The following STXBP5 variants were observed in gnomAD, a reference collection of about 807,000 sequenced individuals.
STXBP5 encodes the protein syntaxin binding protein 5.
A neutral mutation model predicts 152.4 loss-of-function variants in STXBP5; 50 were observed. That is an observed-to-expected ratio of 0.33 (90% CI 0.26 to 0.42). The LOEUF (loss-of-function observed/expected upper bound fraction) is 0.42. Among genes scored for constraint, STXBP5 ranks in the 10% least tolerant of loss-of-function variants. STXBP5 has a pLI of 1.00. For synonymous variants in STXBP5, 492 were observed against 494.7 expected (o/e 0.99, Z 0.07); for missense variants, 1,167 against 1,388.6 (o/e 0.84, Z 2.54).
chr6:147,238,429 GA>G (rs900161782), intron 3 of STXBP5, among the ~76,000 whole-genome samples: 3 of 152,234 alleles, frequency 2.0e-5, no homozygotes, highest in Admixed American at 2.0e-4. Context: ...CCAAATGAGG[GA>G]TGGTTCACCA....
At chr6:147,295,576 A>T (rs1392815455) in intron 9 of STXBP5, among the ~76,000 whole-genome samples, 1 of 152,170 alleles carries the variant, frequency 6.6e-6, no homozygotes, top group Non-Finnish European at 1.5e-5. Flanking sequence ...GCAACCCAGG[A>T]TGACGGCATA....
chr6:147,259,875 C>T (rs555166748), intron 4 of STXBP5, among the ~76,000 whole-genome samples: 1 of 151,932 alleles, frequency 6.6e-6, no homozygotes, highest in East Asian at 1.9e-4. Flanking sequence ...ATTAAATGAG[C>T]CAGTATGAAA....
Position 147,216,432 on chromosome 6 carries a change from G to T in STXBP5, c.248+10364G>T, listed in dbSNP as rs141217206. Among the ~76,000 whole-genome samples the T allele has an allele frequency of 1.6e-3, 247 of 152,128 alleles. 1 individual carries two copies. Among genetic ancestry groups the T allele is most frequent in the African/African-American group, 5.6e-3 (233 of 41,528 alleles). On this transcript the variant is annotated intron_variant, in intron 2 of 27. Transcript: ENST00000321680. ...AACAAAAAAATTCATAAGGCTCCCA[G>T]AATAAAATTCAGATTCTTGGCCACT...
intron 16 of STXBP5, among the ~76,000 whole-genome samples, chr6:147,321,669 A>T (rs575997642): frequency 6.6e-6 from 1 of 152,226 alleles, no homozygotes; most frequent in Non-Finnish European, 1.5e-5. Flanking sequence ...TCCCTTTGCA[A>T]GGTACTTGCT....
chr6:147,241,611 A>AT (rs1778547326), intron 4 of STXBP5, among the ~76,000 whole-genome samples: 2 of 152,148 alleles, frequency 1.3e-5, no homozygotes, highest in African/African-American at 4.8e-5. Context: ...ACTCCTATAG[A>AT]TTAGGGATGT....
intron 25 of STXBP5, among the ~76,000 whole-genome samples, chr6:147,368,536 T>G (rs181698472): frequency 6.6e-6 from 1 of 152,296 alleles, no homozygotes; most frequent in African/African-American, 2.4e-5. Flanking sequence ...ATGAAATACT[T>G]AATTCTTTCT....
chr6:147,290,942 A>T lies in STXBP5; in HGVS notation c.839-152A>T, dbSNP rs75279212. ...AACTTTGCTTGATCATTTAAAAAAT[A>T]TCTTACTGTGTATTAAATGCCTCTT... On this transcript the variant is annotated intron_variant, in intron 8 of 27. Transcript: ENST00000321680. The T allele has an allele frequency of 7.5e-4, 368 of 492,712 alleles. 2 individuals are homozygous for T. The East Asian group carries it at 0.012, about 16-fold the overall frequency. The allele number at this position is 492,712 out of a possible 1,614,324, so 30.5% of individuals were successfully genotyped here. A position where few individuals can be genotyped will look rare whatever the true frequency, so the allele number is the denominator to read the frequency against.
At chr6:147,351,654 A>G (rs1263704693) in intron 21 of STXBP5, among the ~76,000 whole-genome samples, 4 of 152,104 alleles carry the variant, frequency 2.6e-5, no homozygotes, top group African/African-American at 9.7e-5. Context: ...TTTAACTGAA[A>G]TTTTTTACGT....
intron 23 of STXBP5, among the ~76,000 whole-genome samples, chr6:147,362,144 A>T (rs573651358): frequency 4.1e-4 from 62 of 152,190 alleles, no homozygotes; most frequent in Non-Finnish European, 8.2e-4. Flanking sequence ...ATTCAAATTG[A>T]AATATGTGCT....
intron 9 of STXBP5, among the ~76,000 whole-genome samples, chr6:147,291,613 T>C (rs556937702): frequency 2.1e-4 from 32 of 152,252 alleles, no homozygotes; most frequent in African/African-American, 7.2e-4. Flanking sequence ...TACAGTTTAA[T>C]ATTAAAGGGA....
At chr6:147,207,890 A>C (rs1776654862) in intron 2 of STXBP5, among the ~76,000 whole-genome samples, 1 of 152,154 alleles carries the variant, frequency 6.6e-6, no homozygotes. Flanking sequence ...ATTATAAGTG[A>C]GTACCACCAG....
At chr6:147,320,697 A>C (rs1417496882) in intron 16 of STXBP5, among the ~76,000 whole-genome samples, 1 of 152,158 alleles carries the variant, frequency 6.6e-6, no homozygotes, top group African/African-American at 2.4e-5. Flanking sequence ...ATATATTGTT[A>C]CATCAAGTTA....
intron 2 of STXBP5, among the ~76,000 whole-genome samples, chr6:147,229,346 C>A (rs1777882233): frequency 6.7e-6 from 1 of 150,236 alleles, no homozygotes; most frequent in Non-Finnish European, 1.5e-5. Context: ...CAAGCTAATT[C>A]TTTTTTTTTA....
chr6:147,360,209 C>T (rs533027001), intron 23 of STXBP5, among the ~76,000 whole-genome samples: 2 of 152,076 alleles, frequency 1.3e-5, no homozygotes, highest in Non-Finnish European at 2.9e-5. Flanking sequence ...GGACTGTAAA[C>T]TAGTTCAACC....
intron 2 of STXBP5, among the ~76,000 whole-genome samples, chr6:147,219,173 C>T (rs920717027): frequency 4.6e-5 from 7 of 152,160 alleles, no homozygotes; most frequent in African/African-American, 1.7e-4. Flanking sequence ...GGATTTTCTG[C>T]ATCAGTTGAT....
chr6:147,356,318 A>G (rs1297115464), intron 22 of STXBP5, among the ~76,000 whole-genome samples: 1 of 151,974 alleles, frequency 6.6e-6, no homozygotes, highest in East Asian at 1.9e-4. Flanking sequence ...ATTGTTTTCT[A>G]TTACTATCAC....
intron 21 of STXBP5, among the ~76,000 whole-genome samples, chr6:147,340,744 TACTG>T (rs1784052383): frequency 2.0e-5 from 3 of 152,090 alleles, no homozygotes; most frequent in Admixed American, 6.6e-5. Context: ...TTATTAAATG[TACTG>T]ACTACCTTCC....
At chr6:147,373,939 C>A in intron 26 of STXBP5, 97 bp downstream of exon 26, 2 of 679,910 alleles carry the variant, frequency 2.9e-6, no homozygotes, top group Non-Finnish European at 2.5e-6. Flanking sequence ...CACTTTTTTT[C>A]TCTTTGTCAC....
rs556162279 is a variant in STXBP5, at chr6:147,284,061, A to G, written c.838+5857A>G. ...ATATTCTTTAATCCCAAATATGCAA[A>G]CTATTAGTTCATGATGTAATCAACG... On this transcript the variant is annotated intron_variant, in intron 8 of 27. Transcript: ENST00000321680. 4.6e-5 allele frequency among the ~76,000 whole-genome samples: 7 copies of G among 152,322 alleles called. No individual in the cohort carries two copies. The East Asian group carries it at 9.6e-4, about 21-fold the overall frequency.
Sources: allele counts gnomAD v4.1 joint callset (sites outside exome capture counted in the v4.1 genomes callset), GRCh38; gene constraint gnomAD v4.1.1; transcripts MANE v1.5; gene names NCBI Gene and HGNC (gene_info 2026-07-23, HGNC 2026-07-21).